The following RABGEF1 variants were observed in gnomAD, a reference collection of about 807,000 sequenced individuals.
RABGEF1 encodes the protein RAB guanine nucleotide exchange factor 1.
RABGEF1 carries 26 observed loss-of-function variants against 57.3 expected under a neutral mutation model. The ratio of observed to expected loss-of-function variants is 0.45; its 90% CI spans 0.33 to 0.63. The LOEUF (loss-of-function observed/expected upper bound fraction) is 0.63, where lower values mean the gene tolerates loss of function less well. Ranked by LOEUF, RABGEF1 falls within the 20% of genes least tolerant of loss-of-function variation. The pLI, the probability that RABGEF1 is intolerant of heterozygous loss-of-function variation, is 0.02. For missense variants in RABGEF1, 464 were observed against 607.6 expected, an observed-to-expected ratio of 0.76 and a Z score of 2.48; for synonymous variants, 185 against 210.7, an observed-to-expected ratio of 0.88 and a Z score of 1.06.
At chr7:66,802,766 C>T (rs972362616) in intron 7 of RABGEF1, among the ~76,000 whole-genome samples, 17 of 152,314 alleles carry the variant, frequency 1.1e-4, no homozygotes, top group African/African-American at 4.1e-4. Context: ...TCTCCTTTTC[C>T]TTCCCTTCTC....
chr7:66,792,354 A>G (rs1331159820), intron 4 of RABGEF1, among the ~76,000 whole-genome samples: 2 of 152,212 alleles, frequency 1.3e-5, no homozygotes, highest in South Asian at 2.1e-4. Context: ...TTAACCTGCC[A>G]TGGTTTCACA....
intron 4 of RABGEF1, among the ~76,000 whole-genome samples, chr7:66,788,513 T>A (rs1264765648): frequency 4.6e-5 from 7 of 152,182 alleles, no homozygotes; most frequent in Non-Finnish European, 1.0e-4. Flanking sequence ...CAGTTATTTT[T>A]ATTTTTTTAA....
chr7:66,802,504 C>T (rs1787519236), intron 7 of RABGEF1, among the ~76,000 whole-genome samples: 1 of 152,206 alleles, frequency 6.6e-6, no homozygotes, highest in African/African-American at 2.4e-5. Context: ...TTATGCAGGG[C>T]TCTGAAGAGT....
intron 1 of RABGEF1, among the ~76,000 whole-genome samples, chr7:66,689,792 G>A (rs1791241003): frequency 6.7e-6 from 1 of 148,420 alleles, no homozygotes; most frequent in African/African-American, 2.5e-5. Flanking sequence ...ATGAGAGCAA[G>A]ACTTCGTCTC....
At chr7:66,688,782 G>A (rs865905804) in intron 1 of RABGEF1, among the ~76,000 whole-genome samples, 2 of 152,130 alleles carry the variant, frequency 1.3e-5, no homozygotes, top group Non-Finnish European at 2.9e-5. Context: ...GAAATGTATA[G>A]CTGTAAGCAT....
chr7:66,793,146 A>C (rs568484294), intron 4 of RABGEF1, among the ~76,000 whole-genome samples: 3 of 152,288 alleles, frequency 2.0e-5, no homozygotes, highest in Admixed American at 2.0e-4. Context: ...TCTAGTTGGA[A>C]GCGAGCACTA....
chr7:66,668,687 C>G, the RABGEF1 span: 1 of 152,320 alleles, frequency 6.6e-6, no homozygotes, highest in Non-Finnish European at 1.5e-5. Flanking sequence ...TGCAGAGCCC[C>G]TGGCAAGAGA....
chr7:66,675,908 T>C, the RABGEF1 span, among the ~76,000 whole-genome samples: 1 of 152,140 alleles, frequency 6.6e-6, no homozygotes, highest in Non-Finnish European at 1.5e-5. Flanking sequence ...CTGCAAACCA[T>C]TGCTGAAAGT....
At chr7:66,674,793 G>C in the RABGEF1 span, among the ~76,000 whole-genome samples, 6 of 151,864 alleles carry the variant, frequency 4.0e-5, no homozygotes, top group East Asian at 1.9e-4. Context: ...GGTTGCTTCC[G>C]TAGGGATTAA....
At chr7:66,745,325 C>T (rs1799949519) in intron 1 of RABGEF1, among the ~76,000 whole-genome samples, 1 of 152,150 alleles carries the variant, frequency 6.6e-6, no homozygotes, top group Admixed American at 6.5e-5. Flanking sequence ...TAATTTCTGG[C>T]ATGTGGGTTT....
At chr7:66,706,911 A>G (rs1794185548) in intron 1 of RABGEF1, among the ~76,000 whole-genome samples, 2 of 149,694 alleles carry the variant, frequency 1.3e-5, no homozygotes, top group South Asian at 4.2e-4. Context: ...CCTCCCGAGT[A>G]GCTGGGACTA....
intron 1 of RABGEF1, among the ~76,000 whole-genome samples, chr7:66,742,520 A>G (rs560900824): frequency 6.6e-6 from 1 of 152,224 alleles, no homozygotes; most frequent in African/African-American, 2.4e-5. Flanking sequence ...TGTGTCTTGA[A>G]GAATGACTAA....
intron 2 of RABGEF1, among the ~76,000 whole-genome samples, chr7:66,733,561 T>C (rs935957559): frequency 6.6e-6 from 1 of 152,106 alleles, no homozygotes; most frequent in East Asian, 1.9e-4. Flanking sequence ...AGCTGGGCAT[T>C]GCAGCGCATT....
rs1166151844 is a variant in RABGEF1 at position 66,765,530 on chromosome 7, G to A, written c.-17-6353G>A. 2.6e-5 allele frequency among the ~76,000 whole-genome samples: 4 copies of A among 152,214 alleles called. No individual in the cohort carries two copies. The East Asian group carries it at 7.7e-4, about 29-fold the overall frequency. ...CAGGGTGTATGACTCAGAATCTGAG[G>A]ATGGGCGTGCACGTAAACCTTAGCC... On this transcript the variant is annotated intron_variant, in intron 1 of 8. Coordinates refer to ENST00000284957, the MANE Select transcript of RABGEF1 (RefSeq NM_014504.3).
chr7:66,734,597 A>AT (rs550927387), intron 2 of RABGEF1, among the ~76,000 whole-genome samples: 2,910 of 119,696 alleles, frequency 0.024, 42 homozygotes, highest in South Asian at 0.034. Flanking sequence ...TGCCTGGCTA[A>AT]TTTTTTTTTT....
intron 6 of RABGEF1, among the ~76,000 whole-genome samples, chr7:66,798,321 G>A (rs1279023870): frequency 6.6e-6 from 1 of 152,176 alleles, no homozygotes; most frequent in East Asian, 1.9e-4. Flanking sequence ...CCCAAGTGTG[G>A]GAACAGGGCC....
intron 1 of RABGEF1, 30 bp from the exon 2 acceptor site, chr7:66,771,853 A>C (rs762391805): frequency 1.5e-6 from 2 of 1,364,634 alleles, no homozygotes; most frequent in Non-Finnish European, 1.9e-6. Flanking sequence ...ATGATAATTC[A>C]TTTTCAACAG....
At chr7:66,737,063 AGAGAGAGAGT>A (rs1270503019), upstream of RABGEF1, among the ~76,000 whole-genome samples, 2 of 134,780 alleles carry the variant, frequency 1.5e-5, no homozygotes, top group Non-Finnish European at 1.6e-5. Flanking sequence ...AGAGAGAGAG[AGAGAGAGAGT>A]GAGAGAGAGA....
intron 1 of RABGEF1, among the ~76,000 whole-genome samples, chr7:66,763,997 G>C (rs1316247044): frequency 2.6e-5 from 4 of 152,134 alleles, no homozygotes; most frequent in African/African-American, 4.8e-5. Context: ...TAGTCTAGGA[G>C]TGAAATTGCT....
Sources: gnomAD v4.1 joint callset for allele counts (sites outside exome capture counted in the v4.1 genomes callset) on GRCh38, gnomAD v4.1.1 for gene constraint, MANE v1.5 for transcripts, NCBI Gene and HGNC (gene_info 2026-07-23, HGNC 2026-07-21) for gene names.